Variants in MTHFD2L observed in about 807,000 individuals in gnomAD.
The protein encoded by MTHFD2L is methylenetetrahydrofolate dehydrogenase (NADP+ dependent) 2 like, also known as bifunctional methylenetetrahydrofolate dehydrogenase/cyclohydrolase 2, mitochondrial.
Under a neutral mutation model 34.9 loss-of-function variants are expected in MTHFD2L, and 29 were observed. The observed-to-expected ratio is 0.83, with a 90% CI of 0.62 to 1.13. The LOEUF (loss-of-function observed/expected upper bound fraction) is 1.13. MTHFD2L is among the 50% of genes most tolerant of loss of function. The pLI is 0.00. For missense variants in MTHFD2L, 481 were observed against 446.5 expected (o/e 1.08, Z -0.70); for synonymous variants, 167 against 155.7 (o/e 1.07, Z -0.54).
At chr4:74,155,638 A>G (rs1485016655), upstream of MTHFD2L, among the ~76,000 whole-genome samples, 2 of 152,136 alleles carry the variant, frequency 1.3e-5, no homozygotes, top group Non-Finnish European at 2.9e-5. Context: ...AAAGAAACAA[A>G]TCTGTTAACA....
At chr4:74,267,982 C>T in intron 6 of MTHFD2L, 1 of 985,184 alleles carries the variant, frequency 1.0e-6, no homozygotes, top group African/African-American at 1.7e-5. Context: ...TGGGGGCATT[C>T]AGATATTGTC....
intron 7 of MTHFD2L, among the ~76,000 whole-genome samples, chr4:74,290,510 A>G (rs541753936): frequency 3.3e-5 from 5 of 152,288 alleles, no homozygotes; most frequent in African/African-American, 1.2e-4. Context: ...CTGAGACTCA[A>G]TTATATCATC....
chr4:74,250,394 A>G (rs933283991), intron 6 of MTHFD2L, among the ~76,000 whole-genome samples: 10 of 152,078 alleles, frequency 6.6e-5, no homozygotes, highest in African/African-American at 2.2e-4. Context: ...TCATTACCCA[A>G]CATTTTATTA....
At chr4:74,156,321 A>G (rs1005470830), upstream of MTHFD2L, among the ~76,000 whole-genome samples, 12 of 152,202 alleles carry the variant, frequency 7.9e-5, no homozygotes, top group African/African-American at 2.7e-4. Flanking sequence ...GCCATATAAT[A>G]AAAATCATGC....
At chr4:74,175,136 A>G (rs1176721118) in intron 2 of MTHFD2L, 145 bp from the exon 3 acceptor site, 3 of 846,408 alleles carry the variant, frequency 3.5e-6, no homozygotes, top group African/African-American at 3.4e-5. Context: ...AAACACCTGT[A>G]CTATTGGAGA....
At chr4:74,211,430 T>A (rs1177436554) in intron 5 of MTHFD2L, among the ~76,000 whole-genome samples, 1 of 152,210 alleles carries the variant, frequency 6.6e-6, no homozygotes, top group Non-Finnish European at 1.5e-5. Context: ...TTTCCGCATC[T>A]ATTGAGATAA....
At chr4:74,135,104 G>T (rs1722814931) in intron 1 of MTHFD2L, among the ~76,000 whole-genome samples, 1 of 151,906 alleles carries the variant, frequency 6.6e-6, no homozygotes, top group South Asian at 2.1e-4. Flanking sequence ...AAATATTCAG[G>T]TACAGGAAGG....
intron 6 of MTHFD2L, among the ~76,000 whole-genome samples, chr4:74,270,224 G>T (rs1168530604): frequency 2.0e-5 from 3 of 151,544 alleles, no homozygotes; most frequent in Non-Finnish European, 1.5e-5. Context: ...CAACATGCAG[G>T]TTTGTTACGT....
chr4:74,119,948 A>G (rs1721723684), upstream of MTHFD2L, among the ~76,000 whole-genome samples: 1 of 152,090 alleles, frequency 6.6e-6, no homozygotes, highest in African/African-American at 2.4e-5. Flanking sequence ...GAAACCAAGC[A>G]CCCTGTGTTA....
upstream of MTHFD2L, among the ~76,000 whole-genome samples, chr4:74,123,642 AT>A (rs1560398986): frequency 6.6e-6 from 1 of 152,024 alleles, no homozygotes; most frequent in Admixed American, 6.6e-5. Flanking sequence ...AATACTTAAA[AT>A]TTTTTTATGT....
chr4:74,230,639 A>C (rs1325765570), intron 6 of MTHFD2L, among the ~76,000 whole-genome samples: 4 of 151,972 alleles, frequency 2.6e-5, no homozygotes, highest in Non-Finnish European at 5.9e-5. Flanking sequence ...GGGAAAGGTG[A>C]AGAAAGAGTA....
chr4:74,189,441 G>C (rs75306664), intron 3 of MTHFD2L, among the ~76,000 whole-genome samples: 2 of 143,632 alleles, frequency 1.4e-5, no homozygotes, highest in Non-Finnish European at 3.0e-5. Context: ...TGTAAAGTAT[G>C]TTAACCACAT....
chr4:74,126,925 G>C (rs765192931), intron 1 of MTHFD2L, among the ~76,000 whole-genome samples: 1 of 152,014 alleles, frequency 6.6e-6, no homozygotes, highest in Non-Finnish European at 1.5e-5. Context: ...GAAGGGACCC[G>C]GTGGGAGGTA....
At chr4:74,126,569 G>C (rs1480188352) in intron 1 of MTHFD2L, among the ~76,000 whole-genome samples, 1 of 151,942 alleles carries the variant, frequency 6.6e-6, no homozygotes, top group Non-Finnish European at 1.5e-5. Flanking sequence ...GTGTGTGTGT[G>C]TGTGGCCATA....
chr4:74,162,590 G>A (rs1725699845), intron 1 of MTHFD2L, among the ~76,000 whole-genome samples: 1 of 136,112 alleles, frequency 7.3e-6, no homozygotes, highest in South Asian at 2.4e-4. Flanking sequence ...CAGTTGTATT[G>A]TTGAAAAATA....
chr4:74,190,802 A>G (rs1248179255), intron 3 of MTHFD2L, among the ~76,000 whole-genome samples: 1 of 152,254 alleles, frequency 6.6e-6, no homozygotes, highest in East Asian at 1.9e-4. Flanking sequence ...TAAATCATTG[A>G]GAGACTATAG....
intron 5 of MTHFD2L, among the ~76,000 whole-genome samples, chr4:74,223,099 A>T (rs1433955207): frequency 6.6e-6 from 1 of 152,094 alleles, no homozygotes; most frequent in African/African-American, 2.4e-5. Flanking sequence ...ACCCAAAGGA[A>T]TATAAATTGT....
intron 1 of MTHFD2L, among the ~76,000 whole-genome samples, chr4:74,163,395 G>C (rs1368714927): frequency 6.6e-6 from 1 of 152,180 alleles, no homozygotes; most frequent in African/African-American, 2.4e-5. Context: ...AGCTTTTGTG[G>C]CACAAAGCTT....
At chr4:74,266,980 C>G (rs1745358371) in intron 6 of MTHFD2L, 1 of 985,422 alleles carries the variant, frequency 1.0e-6, no homozygotes, top group Non-Finnish European at 1.2e-6. Flanking sequence ...ATTGGTTTTT[C>G]AAGTTGAGCT....
Sources: allele counts gnomAD v4.1 joint callset (sites outside exome capture counted in the v4.1 genomes callset), GRCh38; gene constraint gnomAD v4.1.1; transcripts MANE v1.5; gene names NCBI Gene and HGNC (gene_info 2026-07-23, HGNC 2026-07-21).